Variants in RABGAP1 observed in about 807,000 individuals in gnomAD.
RABGAP1 encodes the protein RAB GTPase activating protein 1, also known as rab GTPase-activating protein 1.
Under a neutral mutation model 137.6 loss-of-function variants are expected in RABGAP1, and 23 were observed. The ratio of observed to expected loss-of-function variants is 0.17; its 90% CI spans 0.12 to 0.24. RABGAP1 has a LOEUF of 0.24. Ranked by LOEUF, RABGAP1 falls within the 10% of genes least tolerant of loss-of-function variation. The pLI, the probability that RABGAP1 is intolerant of heterozygous loss-of-function variation, is 1.00. For missense variants in RABGAP1, 906 were observed against 1,275.8 expected, an observed-to-expected ratio of 0.71 and a Z score of 4.42; for synonymous variants, 451 against 450.7, an observed-to-expected ratio of 1.00 and a Z score of -0.01.
intron 10 of RABGAP1, among the ~76,000 whole-genome samples, chr9:123,009,206 T>C (rs111588074): frequency 0.024 from 3,615 of 152,364 alleles, 65 homozygotes; most frequent in Non-Finnish European, 0.038. Flanking sequence ...TAGAGACAAC[T>C]GGCCCATATA....
chr9:122,990,792 A>C (rs1173682284), intron 6 of RABGAP1: 1 of 48,494 alleles, frequency 2.1e-5, no homozygotes, highest in Non-Finnish European at 3.8e-5. Context: ...AAAAAAAAAA[A>C]AAAAATATAT....
upstream of RABGAP1, chr9:122,938,336 G>C (rs1291579716): frequency 1.3e-5 from 2 of 152,120 alleles, no homozygotes; most frequent in African/African-American, 4.8e-5. Flanking sequence ...GTGAACTTCA[G>C]TTTCCTTATT....
chr9:122,936,169 TA>T (rs1833384932), upstream of RABGAP1, among the ~76,000 whole-genome samples: 1 of 152,194 alleles, frequency 6.6e-6, no homozygotes. Context: ...ATCATGTTGT[TA>T]ATAGAGTTTG....
rs575381141 is a variant in RABGAP1, at chr9:123,020,348, C to T, written c.1683C>T (p.Ser561=). The T allele has an allele frequency of 1.3e-6, 2 of 1,598,078 alleles. No individual in the cohort carries two copies. Among genetic ancestry groups the T allele is most frequent in the African/African-American group, 1.3e-5 (1 of 74,682 alleles). The change falls in exon 13 of 26, where the codon TCC becomes TCT. Residue 561 remains serine, a synonymous_variant. Coordinates refer to ENST00000373647, the MANE Select transcript of RABGAP1 (RefSeq NM_012197.4). The part of the protein sequence containing the change: ...NLNVRPKQLS[S]LVRNGVPEAL... ...ATGTGAGACCGAAGCAGTTGTCATC[C>T]TTAGTAAGAAACGGTGTCCCTGAAG...
rs552457119 is a variant in RABGAP1, at chr9:123,051,216, G to GTTTTTTTTTTTTTTTTTTTTTT, written c.1795-14105_1795-14084dup. On this transcript the variant is annotated intron_variant, in intron 13 of 25. Coordinates refer to ENST00000373647, the MANE Select transcript of RABGAP1 (RefSeq NM_012197.4). ...ACATGTTGTGATTTTATTCACCTTGGTTTTTTTTTTTTTTTTTTTTTTTTT... is the reference window on the plus strand; with the variant it reads ...ACATGTTGTGATTTTATTCACCTTGGTTTTTTTTTTTTTTTTTTTTTTTTTTTTTTTTTTTTTTTTTTTTTTT... Among the ~76,000 whole-genome samples the GTTTTTTTTTTTTTTTTTTTTTT allele has an allele frequency of 5.8e-5, 2 of 34,278 alleles. 1 individual carries two copies. Among genetic ancestry groups the GTTTTTTTTTTTTTTTTTTTTTT allele is most frequent in the Non-Finnish European group, 1.1e-4 (2 of 17,836 alleles). The allele number at this position is 34,278 out of a possible 152,430, so 22.5% of individuals were successfully genotyped here. A position where few individuals can be genotyped will look rare whatever the true frequency, so the allele number is the denominator to read the frequency against.
intron 14 of RABGAP1, among the ~76,000 whole-genome samples, chr9:123,067,319 T>G (rs2034209098): frequency 6.6e-6 from 1 of 152,236 alleles, no homozygotes; most frequent in Non-Finnish European, 1.5e-5. Flanking sequence ...GGCCAGTATC[T>G]TACATTGCTG....
Position 122,946,719 on chromosome 9 carries a change from G to C in RABGAP1, c.-50+5626G>C, listed in dbSNP as rs1833969597. ...AAATGGCATTAAGCCAGCATATGTA[G>C]AGTTCTGGAAAAAATTAAAGTGTGT... On this transcript the variant is annotated intron_variant, in intron 1 of 25. Transcript: ENST00000373647. Among the ~76,000 whole-genome samples, 6 of 152,290 alleles carry C rather than the reference G, an allele frequency of 3.9e-5. No homozygotes were observed. The South Asian group carries it at 1.2e-3, about 32-fold the overall frequency.
intron 13 of RABGAP1, among the ~76,000 whole-genome samples, chr9:123,051,774 ATT>A: frequency 6.7e-6 from 1 of 149,432 alleles, no homozygotes; most frequent in Non-Finnish European, 1.5e-5. Context: ...ATTTTATTTT[ATT>A]TTATTTTATT....
At position 123,099,912 on chromosome 9, in the gene RABGAP1, G is replaced by A. The variant is rs573283259; in HGVS notation, c.2889+363G>A. Reference sequence around the variant, plus strand: ...AGGTCAGAATCATGTGCTGTGGCTTGTCACTTTCCAGTGTTGTTCTGAGTT... The same window carrying A: ...AGGTCAGAATCATGTGCTGTGGCTTATCACTTTCCAGTGTTGTTCTGAGTT... On this transcript the variant is annotated intron_variant, in intron 24 of 25. Transcript: ENST00000373647. Among the ~76,000 whole-genome samples, 841 of 152,334 alleles carry A rather than the reference G, an allele frequency of 5.5e-3. 5 individuals carry two copies. Among genetic ancestry groups the A allele is most frequent in the Admixed American group, 8.8e-3 (134 of 15,304 alleles).
chr9:122,982,815 C>T (rs1200715459), intron 2 of RABGAP1, among the ~76,000 whole-genome samples: 1 of 152,058 alleles, frequency 6.6e-6, no homozygotes, highest in African/African-American at 2.4e-5. Flanking sequence ...GAGGGAGGAT[C>T]ACTTGAGCCC....
chr9:122,988,316 T>G (rs1187370218), intron 4 of RABGAP1, among the ~76,000 whole-genome samples: 1 of 152,228 alleles, frequency 6.6e-6, no homozygotes, highest in Non-Finnish European at 1.5e-5. Context: ...TTAATGGCTC[T>G]ACCCACATAG....
chr9:123,033,282 G>A (rs1029613799), intron 13 of RABGAP1, among the ~76,000 whole-genome samples: 75 of 152,128 alleles, frequency 4.9e-4, no homozygotes, highest in African/African-American at 1.7e-3. Context: ...AAAATGCCGT[G>A]AGAAAATAGA....
At chr9:122,961,044 C>T (rs1834824958) in intron 2 of RABGAP1, among the ~76,000 whole-genome samples, 1 of 151,548 alleles carries the variant, frequency 6.6e-6, no homozygotes, top group Non-Finnish European at 1.5e-5. Context: ...TTAAGTGTAC[C>T]AACATGCTTG....
At chr9:123,039,614 A>G (rs556539485) in intron 13 of RABGAP1, among the ~76,000 whole-genome samples, 1 of 152,298 alleles carries the variant, frequency 6.6e-6, no homozygotes, top group East Asian at 1.9e-4. Context: ...TAATGTGGTA[A>G]TGTGAGTCCT....
chr9:123,075,750 G>C (rs2034489422), intron 17 of RABGAP1, among the ~76,000 whole-genome samples: 1 of 152,200 alleles, frequency 6.6e-6, no homozygotes, highest in African/African-American at 2.4e-5. Context: ...AGGCCCAGCA[G>C]CTTAAGCAGT....
At chr9:122,995,566 ATTTTTTTT>A (rs34683455) in intron 6 of RABGAP1, among the ~76,000 whole-genome samples, 1 of 118,470 alleles carries the variant, frequency 8.4e-6, no homozygotes, top group Non-Finnish European at 1.7e-5. Context: ...ATATCAAATG[ATTTTTTTT>A]TTTTTTTTTT....
At chr9:122,977,713 GA>G (rs201847384) in intron 2 of RABGAP1, among the ~76,000 whole-genome samples, 10 of 146,358 alleles carry the variant, frequency 6.8e-5, no homozygotes, top group East Asian at 2.0e-4. Context: ...GTCTCAAAAA[GA>G]AAAAAAAAAG....
At position 122,958,076 on chromosome 9, in the gene RABGAP1, C is replaced by A. The variant is rs1382271943; in HGVS notation, c.150+867C>A. Reference sequence around the variant, plus strand: ...ATCCCTACTGCTCAGTTAGGCACCCCCTAACTGGGAATCAGTGCTTCCCCC... The same window carrying A: ...ATCCCTACTGCTCAGTTAGGCACCCACTAACTGGGAATCAGTGCTTCCCCC... On this transcript the variant is annotated intron_variant, in intron 2 of 25. Coordinates refer to ENST00000373647, the MANE Select transcript of RABGAP1 (RefSeq NM_012197.4). Among the ~76,000 whole-genome samples, 4 of 152,288 alleles carry A rather than the reference C, an allele frequency of 2.6e-5. No homozygotes were observed. The South Asian group carries it at 6.2e-4, about 24-fold the overall frequency.
chr9:123,027,736 T>A (rs1301644785), intron 13 of RABGAP1, among the ~76,000 whole-genome samples: 1 of 152,222 alleles, frequency 6.6e-6, no homozygotes, highest in Non-Finnish European at 1.5e-5. Flanking sequence ...GGTAGTCTGT[T>A]GATTTTTCCT....
Sources: gnomAD v4.1 joint callset for allele counts (sites outside exome capture counted in the v4.1 genomes callset) on GRCh38, gnomAD v4.1.1 for gene constraint, MANE v1.5 for transcripts, NCBI Gene and HGNC (gene_info 2026-07-23, HGNC 2026-07-21) for gene names.